The following SFT2D3 variants were observed in gnomAD, a reference collection of about 807,000 sequenced individuals.
SFT2D3 encodes the protein vesicle transport protein SFT2C.
For missense variants in SFT2D3, 405 were observed against 334.6 expected (o/e 1.21, Z -1.64); for synonymous variants, 239 against 191.2 (o/e 1.25, Z -2.06).
In SFT2D3 at chr2:127,702,471, CTG is replaced by C. The variant is rs774065199; in HGVS notation, c.*298_*299del. On this transcript the variant is annotated 3_prime_UTR_variant, in exon 1 of 1. Coordinates refer to ENST00000310981, the MANE Select transcript of SFT2D3 (RefSeq NM_032740.4). ...TTATTAGAAGTTGCTTTCGAAGTAA[CTG>C]TGGTCTTAGGTTCGGCTGAGTAAAG... 148 of 229,434 alleles carry C rather than the reference CTG, an allele frequency of 6.5e-4. No homozygotes were observed. The highest frequency in any genetic ancestry group is 8.8e-4 in the Non-Finnish European group (96 of 109,314). 14.2% of individuals were successfully genotyped at this position (229,434 alleles called of 1,614,324 possible). A position where few individuals can be genotyped will look rare whatever the true frequency, so the allele number is the denominator to read the frequency against.
Position 127,701,507 on chromosome 2 carries a change from T to C in SFT2D3, c.-22T>C, listed in dbSNP as rs897357623. 3.9e-6 allele frequency: 5 copies of C among 1,285,654 alleles called. No homozygotes were observed. The highest frequency in any genetic ancestry group is 1.5e-5 in the African/African-American group (1 of 64,936). 79.6% of individuals were successfully genotyped at this position (1,285,654 alleles called of 1,614,324 possible). A position where few individuals can be genotyped will look rare whatever the true frequency, so the allele number is the denominator to read the frequency against. On this transcript the variant is annotated 5_prime_UTR_variant, in exon 1 of 1. Transcript: ENST00000310981. ...CCGGAAGTGAGCCGCAGCTTTTCCT[T>C]TCTGCCACCGCCTTGTCCAAGATGG...
Position 127,702,359 on chromosome 2 carries a change from C to A in SFT2D3, c.*183C>A. On this transcript the variant is annotated 3_prime_UTR_variant, in exon 1 of 1. Coordinates refer to ENST00000310981, the MANE Select transcript of SFT2D3 (RefSeq NM_032740.4). ...GGAGGCGACAGCAGCGTTGGGAGCT[C>A]CTCGATGTCAGCTTTTTGTGCTGGA... 2.1e-6 allele frequency: 1 copy of A among 471,664 alleles called. No individual in the cohort carries two copies. The highest frequency in any genetic ancestry group is 3.3e-6 in the Non-Finnish European group (1 of 303,586). The allele number at this position is 471,664 out of a possible 1,614,324, so 29.2% of individuals were successfully genotyped here. A position where few individuals can be genotyped will look rare whatever the true frequency, so the allele number is the denominator to read the frequency against.
chr2:127,702,260 G>A lies in SFT2D3; in HGVS notation c.*84G>A. 2 of 1,142,818 alleles carry A rather than the reference G, an allele frequency of 1.8e-6. No homozygotes were observed. The highest frequency in any genetic ancestry group is 1.1e-6 in the Non-Finnish European group (1 of 917,268). The allele number at this position is 1,142,818 out of a possible 1,614,324, so 70.8% of individuals were successfully genotyped here. A position where few individuals can be genotyped will look rare whatever the true frequency, so the allele number is the denominator to read the frequency against. ...CCGGCCGAGCTGAGGACTGCACGCC[G>A]CTGTGCGGAAGCCCGTGGCGAAGGC... is the stretch of plus-strand genomic sequence containing the variant. On this transcript the variant is annotated 3_prime_UTR_variant, in exon 1 of 1. Transcript: ENST00000310981.
At position 127,705,078 on chromosome 2, in the gene SFT2D3, G is replaced by A. The variant is rs1481631317; in HGVS notation, c.*2902G>A. Reference sequence around the variant, plus strand: ...GACAGAGCAAGACTCTGTCAAAAAAGGAAAAGAAAAAAAGAAACTTCCAGC... The same window carrying A: ...GACAGAGCAAGACTCTGTCAAAAAAAGAAAAGAAAAAAAGAAACTTCCAGC... On this transcript the variant is annotated 3_prime_UTR_variant, in exon 1 of 1. Coordinates refer to ENST00000310981, the MANE Select transcript of SFT2D3 (RefSeq NM_032740.4). The surrounding 1 kb of genome is among the most constrained non-coding windows in gnomAD (Gnocchi z 4.5). 6.0e-6 allele frequency: 1 copy of A among 166,236 alleles called. No individual in the cohort carries two copies. The highest frequency in any genetic ancestry group is 1.5e-5 in the Non-Finnish European group (1 of 68,014). 10.3% of individuals were successfully genotyped at this position (166,236 alleles called of 1,614,324 possible). A position where few individuals can be genotyped will look rare whatever the true frequency, so the allele number is the denominator to read the frequency against.
Position 127,702,260 on chromosome 2 carries a change from G to T in SFT2D3, c.*84G>T. The T allele has an allele frequency of 1.8e-6, 2 of 1,142,820 alleles. No homozygotes were observed. The highest frequency in any genetic ancestry group is 4.4e-5 in the South Asian group (1 of 22,918). 70.8% of individuals were successfully genotyped at this position (1,142,820 alleles called of 1,614,324 possible). ...CCGGCCGAGCTGAGGACTGCACGCC[G>T]CTGTGCGGAAGCCCGTGGCGAAGGC... On this transcript the variant is annotated 3_prime_UTR_variant, in exon 1 of 1. Transcript: ENST00000310981.
chr2:127,702,902 A>G lies in SFT2D3; in HGVS notation c.*726A>G, dbSNP rs13394108. ...GTCTCTTCGGAAATCCTGCAAATAGAAAGATAATTCTAGATCCGGAATACC... is the reference window on the plus strand; with the variant it reads ...GTCTCTTCGGAAATCCTGCAAATAGGAAGATAATTCTAGATCCGGAATACC... On this transcript the variant is annotated 3_prime_UTR_variant, in exon 1 of 1. Transcript: ENST00000310981. 6.4e-3 allele frequency: 1,070 copies of G among 166,670 alleles called. 10 individuals are homozygous for G. Among genetic ancestry groups the G allele is most frequent in the African/African-American group, 0.025 (1,019 of 41,536 alleles). 10.3% of individuals were successfully genotyped at this position (166,670 alleles called of 1,614,324 possible).
rs1198894850 is a variant in SFT2D3, at chr2:127,701,797, G to C, written c.269G>C (p.Cys90Ser). Residue 90 changes from cysteine to serine, a missense_variant, in exon 1 of 1, where the codon TGT becomes TCT. Coordinates refer to ENST00000310981, the MANE Select transcript of SFT2D3 (RefSeq NM_032740.4). ...GGGCLLLAAL[C>S]FGLAALYAPV... The stretch of plus-strand genomic sequence containing the variant: ...GGGTGCCTGCTGCTGGCTGCACTGT[G>C]TTTCGGCCTAGCCGCGCTCTACGCA... 2.1e-6 allele frequency: 3 copies of C among 1,454,434 alleles called. No individual in the cohort carries two copies. In the Admixed American group the frequency reaches 7.4e-5, roughly 36 times the overall value. 90.1% of individuals were successfully genotyped at this position (1,454,434 alleles called of 1,614,324 possible). A position where few individuals can be genotyped will look rare whatever the true frequency, so the allele number is the denominator to read the frequency against.
Position 127,705,204 on chromosome 2 carries a change from T to C in SFT2D3, c.*3028T>C. 1 of 167,244 alleles carries C rather than the reference T, an allele frequency of 6.0e-6. No homozygotes were observed. 10.4% of individuals were successfully genotyped at this position (167,244 alleles called of 1,614,324 possible). Reference sequence around the variant, plus strand: ...ATAGGACAGTCCTTTTAATAAAAGCTTCCATGTAAAACCAAAATAAAGGTC... The same window carrying C: ...ATAGGACAGTCCTTTTAATAAAAGCCTCCATGTAAAACCAAAATAAAGGTC... On this transcript the variant is annotated 3_prime_UTR_variant, in exon 1 of 1. Coordinates refer to ENST00000310981, the MANE Select transcript of SFT2D3 (RefSeq NM_032740.4). The surrounding 1 kb of genome is among the most constrained non-coding windows in gnomAD (Gnocchi z 4.5).
chr2:127,703,993 C>G lies in SFT2D3; in HGVS notation c.*1817C>G, dbSNP rs1441535883. ...AAAATTTGCCAGATATGGTGGCACA[C>G]AACTGTGATCCCAGCTACTTGGGGT... On this transcript the variant is annotated 3_prime_UTR_variant, in exon 1 of 1. Transcript: ENST00000310981. The G allele has an allele frequency of 1.8e-5, 3 of 166,656 alleles. No homozygotes were observed. 10.3% of individuals were successfully genotyped at this position (166,656 alleles called of 1,614,324 possible).
rs1685927804 is a variant in SFT2D3 at position 127,702,863 on chromosome 2, G to A, written c.*687G>A. On this transcript the variant is annotated 3_prime_UTR_variant, in exon 1 of 1. Transcript: ENST00000310981. Reference sequence around the variant, plus strand: ...AAGCATGGGATCCAGGAAGGGGCGCGTAGATGCTTAACGGTCTCTTCGGAA... The same window carrying A: ...AAGCATGGGATCCAGGAAGGGGCGCATAGATGCTTAACGGTCTCTTCGGAA... 6.0e-6 allele frequency: 1 copy of A among 166,742 alleles called. No homozygotes were observed. Among genetic ancestry groups the A allele is most frequent in the African/African-American group, 2.4e-5 (1 of 41,448 alleles). The allele number at this position is 166,742 out of a possible 1,614,324, so 10.3% of individuals were successfully genotyped here.
rs1012311890 is a variant in SFT2D3, at chr2:127,704,398, T to A, written c.*2222T>A. 5.4e-5 allele frequency: 9 copies of A among 166,840 alleles called. No individual in the cohort carries two copies. The highest frequency in any genetic ancestry group is 1.7e-4 in the African/African-American group (7 of 41,366). The allele number at this position is 166,840 out of a possible 1,614,324, so 10.3% of individuals were successfully genotyped here. A position where few individuals can be genotyped will look rare whatever the true frequency, so the allele number is the denominator to read the frequency against. ...AAGTTAAAGCCCAAAATAATGAAAATTTTTCCACTAGAATCTCAGGGAAAA... is the reference window on the plus strand; with the variant it reads ...AAGTTAAAGCCCAAAATAATGAAAAATTTTCCACTAGAATCTCAGGGAAAA... On this transcript the variant is annotated 3_prime_UTR_variant, in exon 1 of 1. Coordinates refer to ENST00000310981, the MANE Select transcript of SFT2D3 (RefSeq NM_032740.4).
rs1286274391 is a variant in SFT2D3, at chr2:127,701,982, G to A, written c.454G>A (p.Ala152Thr). Reference protein sequence around the residue: ...PSRPALLYMAALGATLFAALG... With the variant: ...PSRPALLYMATLGATLFAALG... ...CCGGCCCGCGCTGCTCTACATGGCA[G>A]CGCTGGGCGCCACGCTGTTCGCCGC... The change falls in exon 1 of 1, where the codon GCG becomes ACG. Residue 152 changes from alanine to threonine, a missense_variant. Coordinates refer to ENST00000310981, the MANE Select transcript of SFT2D3 (RefSeq NM_032740.4). 3 of 1,358,430 alleles carry A rather than the reference G, an allele frequency of 2.2e-6. No individual in the cohort carries two copies. Among genetic ancestry groups the A allele is most frequent in the Non-Finnish European group, 1.9e-6 (2 of 1,059,716 alleles). 84.1% of individuals were successfully genotyped at this position (1,358,430 alleles called of 1,614,324 possible).
rs1685892723 is a variant in SFT2D3, at chr2:127,701,813, G to A, written c.285G>A (p.Ala95=). The change falls in exon 1 of 1, where the codon GCG becomes GCA. Residue 95 remains alanine, a synonymous_variant. Coordinates refer to ENST00000310981, the MANE Select transcript of SFT2D3 (RefSeq NM_032740.4). ...LLAALCFGLA[A]LYAPVLLLRA... The stretch of plus-strand genomic sequence containing the variant: ...CTGCACTGTGTTTCGGCCTAGCCGC[G>A]CTCTACGCACCGGTGTTGCTGCTGC... 2.1e-6 allele frequency: 3 copies of A among 1,456,980 alleles called. No individual in the cohort carries two copies. The highest frequency in any genetic ancestry group is 2.7e-6 in the Non-Finnish European group (3 of 1,108,738). 90.3% of individuals were successfully genotyped at this position (1,456,980 alleles called of 1,614,324 possible). A position where few individuals can be genotyped will look rare whatever the true frequency, so the allele number is the denominator to read the frequency against.
chr2:127,701,498 G>A lies in SFT2D3; in HGVS notation c.-31G>A. On this transcript the variant is annotated 5_prime_UTR_variant, in exon 1 of 1. Coordinates refer to ENST00000310981, the MANE Select transcript of SFT2D3 (RefSeq NM_032740.4). ...AGCGGAGGGCCGGAAGTGAGCCGCA[G>A]CTTTTCCTTTCTGCCACCGCCTTGT... is the stretch of plus-strand genomic sequence containing the variant. The A allele has an allele frequency of 7.8e-7, 1 of 1,278,214 alleles. No homozygotes were observed. Among genetic ancestry groups the A allele is most frequent in the Non-Finnish European group, 9.9e-7 (1 of 1,009,460 alleles). 79.2% of individuals were successfully genotyped at this position (1,278,214 alleles called of 1,614,324 possible).
Position 127,702,327 on chromosome 2 carries a change from T to A in SFT2D3, c.*151T>A. On this transcript the variant is annotated 3_prime_UTR_variant, in exon 1 of 1. Transcript: ENST00000310981. Reference sequence around the variant, plus strand: ...GCGAGTCTAATCCGGGAGCGGCTGCTGCCAGCGGAGGCGACAGCAGCGTTG... The same window carrying A: ...GCGAGTCTAATCCGGGAGCGGCTGCAGCCAGCGGAGGCGACAGCAGCGTTG... 1.2e-6 allele frequency: 1 copy of A among 831,170 alleles called. No homozygotes were observed. Among genetic ancestry groups the A allele is most frequent in the Non-Finnish European group, 1.6e-6 (1 of 632,960 alleles). 51.5% of individuals were successfully genotyped at this position (831,170 alleles called of 1,614,324 possible). A position where few individuals can be genotyped will look rare whatever the true frequency, so the allele number is the denominator to read the frequency against.
Position 127,701,659 on chromosome 2 carries a change from TG to T in SFT2D3, c.134del (p.Gly45AlafsTer21). On this transcript the variant is annotated frameshift_variant, in exon 1 of 1. Transcript: ENST00000310981. LOFTEE classifies it low-confidence loss of function (END_TRUNC). ...GGGGACCGGCCGGCGGAGGAGTGGC[TG>T]GGCCGCGCGGGCTTGCGCTGGACGT... ...EPGDRPAEEW[L>X]GRAGLRWTWA... 7.7e-7 allele frequency: 1 copy of T among 1,294,390 alleles called. No individual in the cohort carries two copies. Among genetic ancestry groups the T allele is most frequent in the Non-Finnish European group, 9.7e-7 (1 of 1,026,166 alleles). 80.2% of individuals were successfully genotyped at this position (1,294,390 alleles called of 1,614,324 possible).
Position 127,703,520 on chromosome 2 carries a change from T to C in SFT2D3, c.*1344T>C, listed in dbSNP as rs1685942592. 1 of 167,046 alleles carries C rather than the reference T, an allele frequency of 6.0e-6. No individual in the cohort carries two copies. The highest frequency in any genetic ancestry group is 2.4e-5 in the African/African-American group (1 of 41,414). 10.3% of individuals were successfully genotyped at this position (167,046 alleles called of 1,614,324 possible). On this transcript the variant is annotated 3_prime_UTR_variant, in exon 1 of 1. Coordinates refer to ENST00000310981, the MANE Select transcript of SFT2D3 (RefSeq NM_032740.4). ...GGTCCCTAAGCCCCGTCCCAAGAAG[T>C]GACACAAGTGGCCAACATCCACACT... is the stretch of plus-strand genomic sequence containing the variant.
chr2:127,701,505 CT>C lies in SFT2D3; in HGVS notation c.-21del. The stretch of plus-strand genomic sequence containing the variant: ...GGCCGGAAGTGAGCCGCAGCTTTTC[CT>C]TTCTGCCACCGCCTTGTCCAAGATG... On this transcript the variant is annotated 5_prime_UTR_variant, in exon 1 of 1. Coordinates refer to ENST00000310981, the MANE Select transcript of SFT2D3 (RefSeq NM_032740.4). The C allele has an allele frequency of 7.8e-7, 1 of 1,285,466 alleles. No individual in the cohort carries two copies. Among genetic ancestry groups the C allele is most frequent in the South Asian group, 2.6e-5 (1 of 38,230 alleles). The allele number at this position is 1,285,466 out of a possible 1,614,324, so 79.6% of individuals were successfully genotyped here. A position where few individuals can be genotyped will look rare whatever the true frequency, so the allele number is the denominator to read the frequency against.
In SFT2D3 at chr2:127,701,776, G is replaced by C; in HGVS notation, c.248G>C (p.Cys83Ser). 2 of 1,430,038 alleles carry C rather than the reference G, an allele frequency of 1.4e-6. No individual in the cohort carries two copies. Among genetic ancestry groups the C allele is most frequent in the Non-Finnish European group, 1.8e-6 (2 of 1,091,918 alleles). 88.6% of individuals were successfully genotyped at this position (1,430,038 alleles called of 1,614,324 possible). Residue 83 changes from cysteine to serine, a missense_variant, in exon 1 of 1, where the codon TGC (cysteine) becomes TCC (serine). Coordinates refer to ENST00000310981, the MANE Select transcript of SFT2D3 (RefSeq NM_032740.4). ...CAGCGGCTGGCGGCGGGCGGCGGGT[G>C]CCTGCTGCTGGCTGCACTGTGTTTC... Reference protein sequence around the residue: ...RGQRLAAGGGCLLLAALCFGL... With the variant: ...RGQRLAAGGGSLLLAALCFGL...
Sources: allele counts gnomAD v4.1 joint callset, GRCh38; gene constraint gnomAD v4.1.1; non-coding constraint Gnocchi (gnomAD v3.1); transcripts MANE v1.5; gene names NCBI Gene and HGNC (gene_info 2026-07-23, HGNC 2026-07-21).